Variants in HLA-DQA2 observed in about 807,000 individuals in gnomAD.
HLA-DQA2 encodes major histocompatibility complex, class II, DQ alpha 2.
In HLA-DQA2, 17 loss-of-function variants were observed where a neutral mutation model predicts 21.0. That is an observed-to-expected ratio of 0.81 (90% CI 0.56 to 1.22). The LOEUF is 1.22. Ranked by LOEUF, HLA-DQA2 falls within the 50% of genes most tolerant of loss-of-function variation. The pLI is 0.00. For missense variants in HLA-DQA2, 239 were observed against 308.8 expected, an observed-to-expected ratio of 0.77 and a Z score of 1.69; for synonymous variants, 81 against 116.5, an observed-to-expected ratio of 0.70 and a Z score of 1.96.
chr6:32,745,795 T>C lies in HLA-DQA2; in HGVS notation c.336T>C (p.Val112=), dbSNP rs1346834309. 1 of 1,613,090 alleles carries C rather than the reference T, an allele frequency of 6.2e-7. No individual in the cohort carries two copies. Among genetic ancestry groups the C allele is most frequent in the African/African-American group, 1.3e-5 (1 of 75,056 alleles). The change falls in exon 3 of 5, where the codon GTT becomes GTC. Residue 112 remains valine (V), a synonymous_variant. Coordinates refer to ENST00000374940, the MANE Select transcript of HLA-DQA2 (RefSeq NM_020056.5). ...AGTGCTGTTTCCTCACCACAGAGGT[T>C]CCTGAGGTCACAGTGTTTTCCAAGT... ...QSNSTAATNE[V]PEVTVFSKFP... is the part of the protein sequence containing the mutation.
chr6:32,743,502 A>G (rs945383191), intron 1 of HLA-DQA2, among the ~76,000 whole-genome samples: 1 of 152,228 alleles, frequency 6.6e-6, no homozygotes, highest in African/African-American at 2.4e-5. Flanking sequence ...TGATGGAAAC[A>G]GTATGGGGCA....
chr6:32,746,111 T>C (rs17213337), intron 3 of HLA-DQA2, 39 bp downstream of exon 3: 810,279 of 1,536,550 alleles, frequency 0.53, 210,373 homozygotes, highest in East Asian at 0.77. Flanking sequence ...TTTCTAATAA[T>C]AGACTTCACT....
chr6:32,742,396 A>AT (rs9282265), intron 1 of HLA-DQA2, among the ~76,000 whole-genome samples: 27,195 of 75,310 alleles, frequency 0.36, 2,855 homozygotes, highest in South Asian at 0.51. Flanking sequence ...GCAGGCACAG[A>AT]TAATTATTTG....
chr6:32,741,616 A>G, intron 1 of HLA-DQA2, 91 bp downstream of exon 1: 1 of 1,234,146 alleles, frequency 8.1e-7, no homozygotes, highest in Non-Finnish European at 1.2e-6. Context: ...AATAGTAGAA[A>G]TTTCCCAAGG....
chr6:32,741,742 T>C (rs1763229835), intron 1 of HLA-DQA2, among the ~76,000 whole-genome samples: 2 of 152,208 alleles, frequency 1.3e-5, no homozygotes, highest in Admixed American at 6.5e-5. Context: ...GACGTTGTTC[T>C]GTTTATATTA....
chr6:32,744,504 T>C (rs1582331664), intron 1 of HLA-DQA2, among the ~76,000 whole-genome samples: 1 of 152,218 alleles, frequency 6.6e-6, no homozygotes, highest in East Asian at 1.9e-4. Context: ...AGAAATCAGG[T>C]GCTCTCCTCT....
intron 1 of HLA-DQA2, among the ~76,000 whole-genome samples, chr6:32,744,470 T>C (rs9276431): frequency 0.62 from 93,437 of 150,658 alleles, 29,191 homozygotes; most frequent in East Asian, 0.85. Flanking sequence ...AAAAACCAGT[T>C]GAGCTTCCAC....
intron 1 of HLA-DQA2, among the ~76,000 whole-genome samples, chr6:32,744,925 C>T (rs975839067): frequency 3.3e-5 from 5 of 152,178 alleles, no homozygotes; most frequent in African/African-American, 4.8e-5. Context: ...AAATAACAGA[C>T]GTGTGACGTT....
intron 1 of HLA-DQA2, 85 bp downstream of exon 1, chr6:32,741,610 G>A (rs897743756): frequency 2.4e-4 from 303 of 1,288,418 alleles, no homozygotes; most frequent in Non-Finnish European, 3.1e-4. Flanking sequence ...CTAAGAAATA[G>A]TAGAAATTTC....
At position 32,745,154 on chromosome 6, in the gene HLA-DQA2, G is replaced by C. The variant is rs112651943; in HGVS notation, c.83-5G>C. On this transcript the variant is annotated splice_polypyrimidine_tract_variant and splice_region_variant and intron_variant, in intron 1 of 4. Coordinates refer to ENST00000374940, the MANE Select transcript of HLA-DQA2 (RefSeq NM_020056.5). ...ACCCTCCTGCTTGTCACCTTCACTC[G>C]TCAGCTGACCATGTTGCCTCCTATG... The C allele has an allele frequency of 1.4e-5, 22 of 1,567,900 alleles. No individual in the cohort carries two copies. Among genetic ancestry groups the C allele is most frequent in the Non-Finnish European group, 1.9e-5 (22 of 1,155,662 alleles).
At chr6:32,746,134 C>T in intron 3 of HLA-DQA2, 62 bp downstream of exon 3, 1 of 1,611,208 alleles carries the variant, frequency 6.2e-7, no homozygotes, top group East Asian at 2.2e-5. Context: ...TCTCCCTAAG[C>T]CTGGGGCCTT....
intron 1 of HLA-DQA2, among the ~76,000 whole-genome samples, chr6:32,743,175 A>T (rs1763336085): frequency 1.3e-5 from 2 of 151,968 alleles, no homozygotes; most frequent in African/African-American, 4.8e-5. Context: ...TTAACTTTTA[A>T]TGTAGCCTGG....
rs888641135 is a variant in HLA-DQA2 at position 32,745,988 on chromosome 6, C to T, written c.529C>T (p.Leu177Phe). Reference sequence around the variant, plus strand: ...TCATTCCTTCTTCAAGATCAGTTACCTCACCTTCCTCCCTTCTGCTGATGA... The same window carrying T: ...TCATTCCTTCTTCAAGATCAGTTACTTCACCTTCCTCCCTTCTGCTGATGA... ...SDHSFFKISY[L>F]TFLPSADEIY... Residue 177 changes from leucine (L) to phenylalanine (F), a missense_variant, in exon 3 of 5, where the codon CTC becomes TTC. Coordinates refer to ENST00000374940, the MANE Select transcript of HLA-DQA2 (RefSeq NM_020056.5). 6.2e-7 allele frequency: 1 copy of T among 1,612,958 alleles called. No individual in the cohort carries two copies. The highest frequency in any genetic ancestry group is 1.3e-5 in the African/African-American group (1 of 74,912).
At chr6:32,744,116 C>A (rs1179867425) in intron 1 of HLA-DQA2, among the ~76,000 whole-genome samples, 2 of 152,204 alleles carry the variant, frequency 1.3e-5, no homozygotes, top group Non-Finnish European at 2.9e-5. Flanking sequence ...CCTTACCGAC[C>A]TGATTCTCCC....
rs759132441 is a variant in HLA-DQA2, at chr6:32,746,287, T to G, written c.661T>G (p.Cys221Gly). 2 of 1,613,016 alleles carry G rather than the reference T, an allele frequency of 1.2e-6. No homozygotes were observed. Among genetic ancestry groups the G allele is most frequent in the African/African-American group, 1.3e-5 (1 of 74,936 alleles). The stretch of plus-strand genomic sequence containing the variant: ...GTCAGAGCTCACAGAGACTTTGGTC[T>G]GCGCCCTGGGGTTGTCTGTGGGCCT... ...PMSELTETLV[C>G]ALGLSVGLMG... Residue 221 changes from cysteine (C) to glycine (G), a missense_variant, in exon 4 of 5, where the codon TGC (cysteine) becomes GGC (glycine). Coordinates refer to ENST00000374940, the MANE Select transcript of HLA-DQA2 (RefSeq NM_020056.5).
At position 32,745,928 on chromosome 6, in the gene HLA-DQA2, G is replaced by A. The variant is rs191050718; in HGVS notation, c.469G>A (p.Gly157Ser). 3.9e-5 allele frequency: 63 copies of A among 1,613,156 alleles called. No homozygotes were observed. Among genetic ancestry groups the A allele is most frequent in the Non-Finnish European group, 4.9e-5 (58 of 1,180,042 alleles). The change falls in exon 3 of 5, where the codon GGT becomes AGT. Residue 157 changes from glycine (G) to serine (S), a missense_variant. Coordinates refer to ENST00000374940, the MANE Select transcript of HLA-DQA2 (RefSeq NM_020056.5). ...GAGCAATGGGCACTCAGTCACAGAA[G>A]GTGTTTCTGAGACCAGCTTCCTCTC... ...WLSNGHSVTE[G>S]VSETSFLSKS...
intron 1 of HLA-DQA2, among the ~76,000 whole-genome samples, chr6:32,744,685 A>AAT (rs68002097): frequency 8.6e-5 from 13 of 151,532 alleles, no homozygotes; most frequent in African/African-American, 2.4e-4. Context: ...AAAAAAAAAA[A>AAT]AAAGGAAACT....
intron 2 of HLA-DQA2, 39 bp downstream of exon 2, chr6:32,745,446 A>G (rs1763508949): frequency 2.6e-6 from 4 of 1,565,932 alleles, no homozygotes; most frequent in Non-Finnish European, 3.5e-6. Context: ...ACTGAAACTA[A>G]TCTTTCATAC....
chr6:32,742,520 A>C (rs1763277979), intron 1 of HLA-DQA2, among the ~76,000 whole-genome samples: 1 of 152,012 alleles, frequency 6.6e-6, no homozygotes. Flanking sequence ...CTTTACAGAC[A>C]TGGGCAGTGG....
Sources: gnomAD v4.1 joint callset for allele counts (sites outside exome capture counted in the v4.1 genomes callset) on GRCh38, gnomAD v4.1.1 for gene constraint, MANE v1.5 for transcripts, NCBI Gene and HGNC (gene_info 2026-07-23, HGNC 2026-07-21) for gene names.